The following IGF2R variants were observed in gnomAD, a reference collection of about 807,000 sequenced individuals.
The protein encoded by IGF2R is insulin like growth factor 2 receptor.
A neutral mutation model predicts 270.6 loss-of-function variants in IGF2R; 91 were observed. The observed-to-expected ratio is 0.34, with a 90% CI of 0.28 to 0.40. The LOEUF (loss-of-function observed/expected upper bound fraction) is 0.40, where lower values mean the gene tolerates loss of function less well. IGF2R is among the 10% of genes least tolerant of loss of function. The pLI, the probability that IGF2R is intolerant of heterozygous loss-of-function variation, is 1.00. For missense variants in IGF2R, 2,805 were observed against 3,188.3 expected (o/e 0.88, Z 2.90); for synonymous variants, 1,316 against 1,258.9 (o/e 1.05, Z -0.96).
Position 160,033,056 on chromosome 6 carries a change from G to A in IGF2R, c.1160G>A (p.Ser387Asn), listed in dbSNP as rs1246696171. 3.1e-6 allele frequency: 5 copies of A among 1,613,526 alleles called. No individual in the cohort carries two copies. The East Asian group carries it at 6.7e-5, about 22-fold the overall frequency. The change falls in exon 9 of 48, where the codon AGC (serine) becomes AAC (asparagine). Residue 387 changes from serine (S) to asparagine (N), a missense_variant. This residue lies in a region of IGF2R where 954 missense variants were observed against 981.1 expected (regional missense o/e 0.97). Coordinates refer to ENST00000356956, the MANE Select transcript of IGF2R (RefSeq NM_000876.4). The stretch of plus-strand genomic sequence containing the variant: ...GCTGCAGTTTGCCAAGTGAAAAAGA[G>A]CGATACCTCTCAAGTCAAAGCAGCA... ...KQAAVCQVKK[S>N]DTSQVKAAGR...
At chr6:160,033,128 C>T (rs776829531) in intron 9 of IGF2R, 21 bp downstream of exon 9, 28 of 1,590,346 alleles carry the variant, frequency 1.8e-5, no homozygotes, top group African/African-American at 5.4e-5. Flanking sequence ...AACCTCTGTG[C>T]GATTTTCCTT....
Position 160,102,927 on chromosome 6 carries a change from C to G in IGF2R, c.6995+256C>G, listed in dbSNP as rs958942403. Among the ~76,000 whole-genome samples the G allele has an allele frequency of 1.1e-4, 17 of 152,162 alleles. No homozygotes were observed. The highest frequency in any genetic ancestry group is 1.0e-3 in the South Asian group (5 of 4,824). ...CTTCTAGGACCGTGGTCCTTTGTGTCCAAAGATGAGTAGAACATTAAACGG... is the reference window on the plus strand; with the variant it reads ...CTTCTAGGACCGTGGTCCTTTGTGTGCAAAGATGAGTAGAACATTAAACGG... On this transcript the variant is annotated intron_variant, in intron 46 of 47. Transcript: ENST00000356956. This position sits in a 1 kb window ranked among gnomAD's most constrained non-coding sequence, Gnocchi z 4.5.
rs894651216 is a variant in IGF2R, at chr6:160,109,545, G to A, written c.*4461G>A. The A allele has an allele frequency of 6.6e-6, 1 of 152,164 alleles. No homozygotes were observed. Among genetic ancestry groups the A allele is most frequent in the Non-Finnish European group, 1.5e-5 (1 of 68,036 alleles). The allele number at this position is 152,164 out of a possible 1,614,324, so 9.4% of individuals were successfully genotyped here. On this transcript the variant is annotated 3_prime_UTR_variant, in exon 48 of 48. Transcript: ENST00000356956. ...ATGAGGACCTTCACAGGACTAAGGT[G>A]CCACCATCAGAACCACAATATGTGG...
chr6:160,047,154 T>C lies in IGF2R; in HGVS notation c.2052-5T>C. ...TTTGCTGAGAGAAACGTGTGTTTAT[T>C]TCAGTGATGAGAAGACTTGGAACTT... On this transcript the variant is annotated splice_region_variant and splice_polypyrimidine_tract_variant and intron_variant, in intron 15 of 47. Transcript: ENST00000356956. The C allele has an allele frequency of 6.2e-7, 1 of 1,613,820 alleles. No individual in the cohort carries two copies. Among genetic ancestry groups the C allele is most frequent in the African/African-American group, 1.3e-5 (1 of 75,034 alleles).
chr6:160,033,858 C>G (rs1368042895), intron 9 of IGF2R, among the ~76,000 whole-genome samples: 2 of 152,132 alleles, frequency 1.3e-5, no homozygotes, highest in East Asian at 3.9e-4. Flanking sequence ...TGGTAGTTGA[C>G]CTTCATAAAA....
Position 160,107,224 on chromosome 6 carries a change from G to A in IGF2R, c.*2140G>A, listed in dbSNP as rs1450475241. The stretch of plus-strand genomic sequence containing the variant: ...TGGTCCTCAGGCATTCTACCCAGGG[G>A]GCTGTTCTCCAGGCCATTCCCACCT... On this transcript the variant is annotated 3_prime_UTR_variant, in exon 48 of 48. Transcript: ENST00000356956. 2 of 152,190 alleles carry A rather than the reference G, an allele frequency of 1.3e-5. No individual in the cohort carries two copies. Among genetic ancestry groups the A allele is most frequent in the African/African-American group, 4.8e-5 (2 of 41,438 alleles). The allele number at this position is 152,190 out of a possible 1,614,324, so 9.4% of individuals were successfully genotyped here.
chr6:160,070,364 T>C (rs544031791), intron 31 of IGF2R, among the ~76,000 whole-genome samples: 1 of 152,284 alleles, frequency 6.6e-6, no homozygotes, highest in East Asian at 1.9e-4. Flanking sequence ...CCTTTTGTCT[T>C]CACGGCGGCA....
Position 160,040,788 on chromosome 6 carries a change from C to T in IGF2R, c.1480+64C>T, listed in dbSNP as rs8191775. ...CTCATGGAACATTTTCCCATGAGTA[C>T]TTTTGGAAATGCGGTTACTATTTTC... is the stretch of plus-strand genomic sequence containing the variant. On this transcript the variant is annotated intron_variant, in intron 11 of 47. Transcript: ENST00000356956. 4.3e-4 allele frequency: 636 copies of T among 1,493,934 alleles called. 2 individuals are homozygous for T. In the African/African-American group the frequency reaches 7.8e-3, roughly 18 times the overall value. 92.5% of individuals were successfully genotyped at this position (1,493,934 alleles called of 1,614,324 possible). A position where few individuals can be genotyped will look rare whatever the true frequency, so the allele number is the denominator to read the frequency against.
chr6:160,070,465 T>C (rs1284705746), intron 31 of IGF2R, among the ~76,000 whole-genome samples: 4 of 152,218 alleles, frequency 2.6e-5, no homozygotes, highest in African/African-American at 9.6e-5. Flanking sequence ...ACTCAGGTAG[T>C]CTGCCCTGCT....
At chr6:160,096,152 G>T in intron 44 of IGF2R, 1 of 278,674 alleles carries the variant, frequency 3.6e-6, no homozygotes, top group Admixed American at 5.3e-5. Context: ...TTTAATCCAC[G>T]GTTGTGCCTT....
chr6:160,048,300 C>A, intron 17 of IGF2R, 75 bp from the exon 18 acceptor site: 1 of 1,403,400 alleles, frequency 7.1e-7, no homozygotes, highest in Non-Finnish European at 1.0e-6. Context: ...TTTACTTCCC[C>A]AACTACATAG....
chr6:160,095,493 C>A (rs1195029849), intron 44 of IGF2R: 1 of 152,204 alleles, frequency 6.6e-6, no homozygotes, highest in Non-Finnish European at 1.5e-5. Context: ...TTACACTTGG[C>A]AAATGTTAAT....
chr6:160,088,472 G>T (rs1383682788), intron 42 of IGF2R, among the ~76,000 whole-genome samples: 1 of 152,252 alleles, frequency 6.6e-6, no homozygotes, highest in African/African-American at 2.4e-5. Flanking sequence ...CACCCGAGGT[G>T]TTCAAGCAGC....
chr6:160,061,835 G>A lies in IGF2R; in HGVS notation c.3489G>A (p.Ala1163=), dbSNP rs140203881. 2.8e-5 allele frequency: 45 copies of A among 1,614,144 alleles called. No individual in the cohort carries two copies. The East Asian group carries it at 6.5e-4, about 23-fold the overall frequency. The change falls in exon 25 of 48, where the codon GCG becomes GCA. Residue 1163 remains alanine, a synonymous_variant. Coordinates refer to ENST00000356956, the MANE Select transcript of IGF2R (RefSeq NM_000876.4). ...TGCAGATGAGTCCCCAAGCCGCGGC[G>A]AATGGATCTTTGAGCATCATGTATG... ...GVVQMSPQAA[A]NGSLSIMYVN...
chr6:160,063,533 G>A lies in IGF2R; in HGVS notation c.3789G>A (p.Gly1263=), dbSNP rs769573608. 12 of 1,614,180 alleles carry A rather than the reference G, an allele frequency of 7.4e-6. No homozygotes were observed. In the South Asian group the frequency reaches 1.2e-4, roughly 16 times the overall value. ...ACACTTATTACTTCCGGGTCTGTGG[G>A]AAGCTTTCCTCAGACGTCTGCCCCA... is the stretch of plus-strand genomic sequence containing the variant. The part of the protein sequence containing the change: ...GEYTYYFRVC[G]KLSSDVCPTS... The change falls in exon 27 of 48, where the codon GGG becomes GGA. Residue 1263 remains glycine (G), a synonymous_variant. Coordinates refer to ENST00000356956, the MANE Select transcript of IGF2R (RefSeq NM_000876.4).
rs540032672 is a variant in IGF2R at position 160,094,018 on chromosome 6, C to T, written c.6656-2421C>T. ...CTAAAGGACAGACAGCAAACTATTCCTTGCAGTCTAGTATTTAAGTACTGG... is the reference window on the plus strand; with the variant it reads ...CTAAAGGACAGACAGCAAACTATTCTTTGCAGTCTAGTATTTAAGTACTGG... On this transcript the variant is annotated intron_variant, in intron 44 of 47. Coordinates refer to ENST00000356956, the MANE Select transcript of IGF2R (RefSeq NM_000876.4). 6.4e-6 allele frequency: 4 copies of T among 623,894 alleles called. No individual in the cohort carries two copies. The East Asian group carries it at 1.2e-4, about 18-fold the overall frequency. 38.6% of individuals were successfully genotyped at this position (623,894 alleles called of 1,614,324 possible).
At chr6:160,097,177 T>C (rs1020301064) in intron 45 of IGF2R, among the ~76,000 whole-genome samples, 5 of 152,222 alleles carry the variant, frequency 3.3e-5, no homozygotes, top group Non-Finnish European at 7.3e-5. Flanking sequence ...GAGGGAGCAG[T>C]TTCTGCTCTG....
chr6:160,101,645 A>G (rs1779487718), intron 45 of IGF2R, among the ~76,000 whole-genome samples: 1 of 152,186 alleles, frequency 6.6e-6, no homozygotes, highest in Admixed American at 6.5e-5. Flanking sequence ...GCAGCACAGG[A>G]GGAATTTCTG....
At chr6:160,048,016 G>T in intron 17 of IGF2R, 109 bp downstream of exon 17, 1 of 787,424 alleles carries the variant, frequency 1.3e-6, no homozygotes, top group Admixed American at 2.0e-5. Context: ...TGCTGGCTGT[G>T]GGGCTGCAGG....
Sources: gnomAD v4.1 joint callset for allele counts (sites outside exome capture counted in the v4.1 genomes callset) on GRCh38, gnomAD v4.1.1 for gene constraint, gnomAD v4.1.1 regional missense constraint, Gnocchi (gnomAD v3.1) non-coding constraint, MANE v1.5 for transcripts, NCBI Gene and HGNC (gene_info 2026-07-23, HGNC 2026-07-21) for gene names.